TRPM1: variants seen among roughly 807,000 people sequenced by gnomAD.
The protein encoded by TRPM1 is transient receptor potential cation channel subfamily M member 1, also known as TRPM1-203 APA Isoform, Intron 10.
A neutral mutation model predicts 149.4 loss-of-function variants in TRPM1; 113 were observed. That is an observed-to-expected ratio of 0.76 (90% CI 0.65 to 0.88). The LOEUF (loss-of-function observed/expected upper bound fraction) is 0.88, where lower values mean the gene tolerates loss of function less well. TRPM1 is among the 40% of genes least tolerant of loss of function. TRPM1 has a pLI of 0.00. For synonymous variants in TRPM1, 741 were observed against 759.5 expected (o/e 0.98, Z 0.40); for missense variants, 1,976 against 2,038.7 (o/e 0.97, Z 0.59).
At chr15:31,098,268 T>C (rs911585511) in intron 1 of TRPM1, among the ~76,000 whole-genome samples, 3 of 151,958 alleles carry the variant, frequency 2.0e-5, no homozygotes, top group African/African-American at 7.3e-5. Context: ...TGGTGAAGCC[T>C]TGTCTCTACT....
intron 27 of TRPM1, 110 bp from the exon 28 acceptor site, chr15:31,003,180 CTGTT>C: frequency 1.0e-6 from 1 of 954,656 alleles, no homozygotes; most frequent in African/African-American, 1.6e-5. Context: ...ACATATGGAA[CTGTT>C]TGAGTATATT....
At chr15:31,130,151 A>C (rs2035998826) in intron 1 of TRPM1, among the ~76,000 whole-genome samples, 1 of 152,180 alleles carries the variant, frequency 6.6e-6, no homozygotes, top group Non-Finnish European at 1.5e-5. Flanking sequence ...CTGAAGGGTT[A>C]ATGCCGGGTG....
upstream of TRPM1, among the ~76,000 whole-genome samples, chr15:31,104,821 C>T (rs1008900031): frequency 2.6e-5 from 4 of 152,016 alleles, no homozygotes; most frequent in Non-Finnish European, 5.9e-5. Flanking sequence ...GTCTCAATCT[C>T]CTGACCTTGT....
rs767656983 is a variant in TRPM1, at chr15:31,002,721, G to A, written c.3979C>T (p.Arg1327Cys). 1.7e-5 allele frequency: 27 copies of A among 1,613,990 alleles called. No individual in the cohort carries two copies. Among genetic ancestry groups the A allele is most frequent in the East Asian group, 1.6e-4 (7 of 44,894 alleles). The stretch of plus-strand genomic sequence containing the variant: ...TTCACGTCCTTCTCTTCCTTTATAC[G>A]GAAGGAACAGGTTTTTTTCCTGACT... ...TGVRKKTCSF[R>C]IKEEKDVKTH... Residue 1327 changes from arginine to cysteine, a missense_variant, in exon 28 of 28, where the codon CGT becomes TGT. Physicochemically the swap from Arg to Cys is radical, Grantham distance 180. Transcript: ENST00000256552.
chr15:31,067,658 A>C (rs1343086090), intron 5 of TRPM1, among the ~76,000 whole-genome samples: 3 of 152,180 alleles, frequency 2.0e-5, no homozygotes, highest in Non-Finnish European at 2.9e-5. Flanking sequence ...TGACCCAGAG[A>C]TGTTGACCAT....
intron 1 of TRPM1, among the ~76,000 whole-genome samples, chr15:31,122,657 C>G (rs1447830733): frequency 6.6e-6 from 1 of 152,072 alleles, no homozygotes; most frequent in Non-Finnish European, 1.5e-5. Flanking sequence ...AACTATAAAA[C>G]TGTGATGAAA....
intron 1 of TRPM1, among the ~76,000 whole-genome samples, chr15:31,156,069 C>T (rs1426407257): frequency 1.3e-5 from 2 of 151,642 alleles, no homozygotes; most frequent in Non-Finnish European, 2.9e-5. Context: ...TGGTGGTGGG[C>T]ACCTGTAATC....
chr15:31,089,369 A>G (rs766027884), intron 1 of TRPM1, among the ~76,000 whole-genome samples: 2 of 152,178 alleles, frequency 1.3e-5, no homozygotes, highest in Non-Finnish European at 2.9e-5. Flanking sequence ...CTATCTTGGT[A>G]AGTATCTATG....
At chr15:31,047,345 C>T (rs1386508963) in intron 14 of TRPM1, 94 bp from the exon 15 acceptor site, 1 of 1,421,142 alleles carries the variant, frequency 7.0e-7, no homozygotes, top group Admixed American at 1.8e-5. Context: ...TCCTGGCCCC[C>T]ACTTGGGAGT....
chr15:31,160,644 G>A (rs1416670989), intron 1 of TRPM1, among the ~76,000 whole-genome samples: 1 of 152,346 alleles, frequency 6.6e-6, no homozygotes. Context: ...CCACTCAGAC[G>A]CCTCCCGGGT....
chr15:31,015,389 G>A (rs2140882869), intron 27 of TRPM1, among the ~76,000 whole-genome samples: 1 of 151,594 alleles, frequency 6.6e-6, no homozygotes, highest in African/African-American at 2.4e-5. Flanking sequence ...TCCAGCCTGG[G>A]TGACAGAGCG....
chr15:31,149,713 G>A (rs544285043), intron 1 of TRPM1, among the ~76,000 whole-genome samples: 4 of 152,158 alleles, frequency 2.6e-5, no homozygotes, highest in African/African-American at 9.6e-5. Context: ...TAGAGACGGG[G>A]TTTCACCGTG....
chr15:31,123,937 C>A lies in TRPM1; in HGVS notation c.54+36969G>T, dbSNP rs183075414. On this transcript the variant is annotated intron_variant, in intron 1 of 26. Transcript: ENST00000542188. ...ATAATTGCTAAAAATGTGAAGCAAG[C>A]AAGATGTCCTTCAATGGGTACATGC... 1.8e-3 allele frequency among the ~76,000 whole-genome samples: 271 copies of A among 152,274 alleles called. 2 individuals are homozygous for A. Among genetic ancestry groups the A allele is most frequent in the Non-Finnish European group, 1.9e-3 (131 of 68,018 alleles).
chr15:31,151,225 CAAGACTCT>C (rs1437167301), intron 1 of TRPM1, among the ~76,000 whole-genome samples: 16 of 152,318 alleles, frequency 1.1e-4, no homozygotes, highest in Non-Finnish European at 1.9e-4. Context: ...GGTGCATTGG[CAAGACTCT>C]AACACTCTGG....
intron 11 of TRPM1, 198 bp downstream of exon 11, chr15:31,060,346 G>A (rs2034193163): frequency 3.2e-6 from 2 of 634,866 alleles, no homozygotes; most frequent in Non-Finnish European, 5.7e-6. Context: ...AGGAGTACTG[G>A]TTTGAATGTG....
intron 16 of TRPM1, among the ~76,000 whole-genome samples, chr15:31,044,349 C>G (rs575402837): frequency 1.3e-5 from 2 of 151,610 alleles, no homozygotes; most frequent in Non-Finnish European, 2.9e-5. Flanking sequence ...ATGGAAGAAA[C>G]AAATACAAAT....
At chr15:31,089,122 A>T (rs951942373) in intron 1 of TRPM1, among the ~76,000 whole-genome samples, 2 of 152,214 alleles carry the variant, frequency 1.3e-5, no homozygotes, top group Non-Finnish European at 2.9e-5. Flanking sequence ...CGTGATGAAT[A>T]CAGTGTGGAA....
chr15:31,132,886 A>T (rs895422924), intron 1 of TRPM1, among the ~76,000 whole-genome samples: 1 of 152,214 alleles, frequency 6.6e-6, no homozygotes, highest in Non-Finnish European at 1.5e-5. Context: ...TATGTAAGAC[A>T]GCTTTGCTTC....
intron 13 of TRPM1, among the ~76,000 whole-genome samples, 159 bp downstream of exon 13, chr15:31,049,216 G>A (rs1437863323): frequency 6.6e-6 from 1 of 152,182 alleles, no homozygotes; most frequent in Non-Finnish European, 1.5e-5. Context: ...ATGAACACAG[G>A]CTGTGGCCAG....
Sources: allele counts gnomAD v4.1 joint callset (sites outside exome capture counted in the v4.1 genomes callset), GRCh38; gene constraint gnomAD v4.1.1; transcripts MANE v1.5; gene names NCBI Gene and HGNC (gene_info 2026-07-23, HGNC 2026-07-21).